ZRANB3: variants seen among roughly 807,000 people sequenced by gnomAD.
The protein encoded by ZRANB3 is zinc finger RANBP2-type containing 3.
A neutral mutation model predicts 133.8 loss-of-function variants in ZRANB3; 125 were observed. The observed-to-expected ratio is 0.93, with a 90% CI of 0.81 to 1.08. ZRANB3 has a LOEUF of 1.08. Ranked by LOEUF, ZRANB3 falls within the 50% of genes least tolerant of loss-of-function variation. ZRANB3 has a pLI of 0.00. For synonymous variants in ZRANB3, 387 were observed against 432.7 expected, an observed-to-expected ratio of 0.89 and a Z score of 1.31; for missense variants, 1,229 against 1,275.5, an observed-to-expected ratio of 0.96 and a Z score of 0.56.
Position 135,315,513 on chromosome 2 carries a change from G to T in ZRANB3, c.695C>A (p.Pro232His). Reference protein sequence around the residue: ...NAHIRYFGKRPQWDCRGASNL... With the variant: ...NAHIRYFGKRHQWDCRGASNL... The stretch of plus-strand genomic sequence containing the variant: ...TGATGCCCCTCTACAATCCCACTGA[G>T]GTCTTTTACCAAAATATCTGTTAAA... The change falls in exon 7 of 21, where the codon CCT becomes CAT. Residue 232 changes from proline (P) to histidine (H), a missense_variant. Physicochemically the swap from Pro to His is moderately conservative, Grantham distance 77. Transcript: ENST00000264159. 2 of 1,530,950 alleles carry T rather than the reference G, an allele frequency of 1.3e-6. No homozygotes were observed. The highest frequency in any genetic ancestry group is 1.7e-6 in the Non-Finnish European group (2 of 1,144,964). 94.8% of individuals were successfully genotyped at this position (1,530,950 alleles called of 1,614,324 possible).
At chr2:135,220,936 A>C (rs1163655902) in intron 15 of ZRANB3, among the ~76,000 whole-genome samples, 2 of 148,254 alleles carry the variant, frequency 1.3e-5, no homozygotes, top group African/African-American at 5.0e-5. Flanking sequence ...GGCTCACTGC[A>C]ACCTGTACCT....
intron 2 of ZRANB3, chr2:135,504,120 A>G (rs1397801976): frequency 6.2e-6 from 4 of 640,044 alleles, no homozygotes; most frequent in East Asian, 3.1e-5. Flanking sequence ...ATAACTGAAC[A>G]TACTTTCTCT....
intron 11 of ZRANB3, 59 bp from the exon 12 acceptor site, chr2:135,265,745 T>C: frequency 6.6e-7 from 1 of 1,514,202 alleles, no homozygotes; most frequent in African/African-American, 1.4e-5. Flanking sequence ...TGAAATTCAC[T>C]AAGTAACTTG....
chr2:135,293,643 G>C (rs1681880993), intron 8 of ZRANB3, among the ~76,000 whole-genome samples: 1 of 151,822 alleles, frequency 6.6e-6, no homozygotes, highest in South Asian at 2.1e-4. Context: ...TTGAATAGGA[G>C]TGGTGAGACA....
chr2:135,388,334 A>G (rs2104922439), intron 3 of ZRANB3, among the ~76,000 whole-genome samples: 1 of 152,298 alleles, frequency 6.6e-6, no homozygotes, highest in South Asian at 2.1e-4. Flanking sequence ...GTGGGGACAT[A>G]GCCAAACCAT....
At chr2:135,351,199 G>A (rs1685188306) in intron 4 of ZRANB3, among the ~76,000 whole-genome samples, 1 of 151,084 alleles carries the variant, frequency 6.6e-6, no homozygotes, top group South Asian at 2.1e-4. Context: ...TAAGCAGCCA[G>A]AACCACTATG....
At chr2:135,270,740 T>A (rs78184580) in intron 10 of ZRANB3, among the ~76,000 whole-genome samples, 37 of 152,334 alleles carry the variant, frequency 2.4e-4, no homozygotes, top group African/African-American at 8.9e-4. Context: ...TCTCTCTGTA[T>A]ATAATTTTAT....
At chr2:135,273,981 C>T (rs73960635) in intron 9 of ZRANB3, among the ~76,000 whole-genome samples, 15,900 of 152,106 alleles carry the variant, frequency 0.1, 1,091 homozygotes, top group South Asian at 0.32. Flanking sequence ...AAAAATATTA[C>T]GAATCTAATT....
intron 12 of ZRANB3, among the ~76,000 whole-genome samples, chr2:135,252,013 G>A (rs888034844): frequency 9.2e-5 from 14 of 152,170 alleles, no homozygotes; most frequent in African/African-American, 2.9e-4. Flanking sequence ...CCAGCCTGGC[G>A]ACAGAGCAGG....
chr2:135,525,434 A>G (rs1044753683), intron 1 of ZRANB3, among the ~76,000 whole-genome samples: 2 of 152,240 alleles, frequency 1.3e-5, no homozygotes, highest in Non-Finnish European at 2.9e-5. Context: ...ACCTACTTCT[A>G]AAAGGTTAGA....
chr2:135,346,855 TCA>T (rs1278228393), intron 5 of ZRANB3, among the ~76,000 whole-genome samples: 4 of 152,212 alleles, frequency 2.6e-5, no homozygotes, highest in South Asian at 2.1e-4. Context: ...TTCAATAGAT[TCA>T]CATAGTTGTG....
chr2:135,257,782 C>A (rs1679733220), intron 12 of ZRANB3, among the ~76,000 whole-genome samples: 1 of 152,186 alleles, frequency 6.6e-6, no homozygotes, highest in South Asian at 2.1e-4. Context: ...ATTCCACATA[C>A]ATTTATTGAA....
At chr2:135,330,236 C>A (rs999484143) in intron 6 of ZRANB3, among the ~76,000 whole-genome samples, 1 of 152,064 alleles carries the variant, frequency 6.6e-6, no homozygotes, top group African/African-American at 2.4e-5. Flanking sequence ...TCCATCAATA[C>A]CTAGTTTAGT....
At chr2:135,319,810 C>T (rs1683433689) in intron 6 of ZRANB3, among the ~76,000 whole-genome samples, 1 of 152,142 alleles carries the variant, frequency 6.6e-6, no homozygotes. Flanking sequence ...ACCAAACATA[C>T]CGCTAATATA....
At chr2:135,356,959 T>C (rs1345976412) in intron 3 of ZRANB3, among the ~76,000 whole-genome samples, 3 of 152,210 alleles carry the variant, frequency 2.0e-5, no homozygotes, top group African/African-American at 7.2e-5. Context: ...GCTGGGATTA[T>C]AGGTGAGGGC....
intron 12 of ZRANB3, among the ~76,000 whole-genome samples, chr2:135,249,703 C>T (rs1055913517): frequency 7.2e-5 from 11 of 152,176 alleles, no homozygotes; most frequent in African/African-American, 2.4e-4. Flanking sequence ...GGGTTTATCA[C>T]GGGTTTCCGC....
intron 2 of ZRANB3, among the ~76,000 whole-genome samples, chr2:135,438,364 G>C (rs1689637905): frequency 6.6e-6 from 1 of 152,028 alleles, no homozygotes; most frequent in Admixed American, 6.6e-5. Context: ...AATTAGCCAA[G>C]CATGGTGGCG....
At position 135,350,134 on chromosome 2, in the gene ZRANB3, A is replaced by G; in HGVS notation, c.441T>C (p.Asn147=). 1 of 1,613,604 alleles carries G rather than the reference A, an allele frequency of 6.2e-7. No homozygotes were observed. The highest frequency in any genetic ancestry group is 8.5e-7 in the Non-Finnish European group (1 of 1,179,784). The part of the protein sequence containing the change: ...ADAKTLIDAL[N]NQNFKVVIVD... ...CTATAACTACTTTGAAGTTCTGATT[A>G]TTCAGTGCATCTATCAAAGTCTTTG... Residue 147 remains asparagine (N), a synonymous_variant, in exon 5 of 21, where the codon AAT becomes AAC. Transcript: ENST00000264159.
At chr2:135,408,038 A>G (rs1327849934) in intron 2 of ZRANB3, among the ~76,000 whole-genome samples, 2 of 151,814 alleles carry the variant, frequency 1.3e-5, no homozygotes, top group Non-Finnish European at 2.9e-5. Flanking sequence ...TGAACAGGCA[A>G]CCTACAGAAT....
Sources: allele counts gnomAD v4.1 joint callset (sites outside exome capture counted in the v4.1 genomes callset), GRCh38; gene constraint gnomAD v4.1.1; transcripts MANE v1.5; gene names NCBI Gene and HGNC (gene_info 2026-07-23, HGNC 2026-07-21).